Variants in ANKLE2 observed in about 807,000 individuals in gnomAD.
The protein encoded by ANKLE2 is ankyrin repeat and LEM domain-containing protein 2.
ANKLE2 carries 55 observed loss-of-function variants against 84.2 expected under a neutral mutation model. The observed-to-expected ratio is 0.65, with a 90% CI of 0.53 to 0.82. ANKLE2 has a LOEUF of 0.82. Among genes scored for constraint, ANKLE2 ranks in the 40% least tolerant of loss-of-function variants. ANKLE2 has a pLI of 0.00. For synonymous variants in ANKLE2, 551 were observed against 486.1 expected, an observed-to-expected ratio of 1.13 and a Z score of -1.76; for missense variants, 1,238 against 1,201.9, an observed-to-expected ratio of 1.03 and a Z score of -0.44.
At chr12:132,746,726 C>G (rs2044246172) in intron 5 of ANKLE2, among the ~76,000 whole-genome samples, 1 of 152,164 alleles carries the variant, frequency 6.6e-6, no homozygotes, top group Non-Finnish European at 1.5e-5. Context: ...TCAAGCCTCA[C>G]ATTACCTCAT....
At position 132,754,949 on chromosome 12, in the gene ANKLE2, G is replaced by A. The variant is rs1263787139; in HGVS notation, c.366C>T (p.His122=). The change falls in exon 2 of 13, where the codon CAC becomes CAT. Residue 122 remains histidine (H), a synonymous_variant. Coordinates refer to ENST00000357997, the MANE Select transcript of ANKLE2 (RefSeq NM_015114.3). ...TGAGAGCTGTGACACCTGCCTCATG[G>A]TGGTAGAAAGAAGACAGCCTTCCTC... ...EQGGRLSSFY[H]HEAGVTALSQ... is the part of the protein sequence containing the mutation. 1.9e-5 allele frequency: 30 copies of A among 1,614,102 alleles called. No individual in the cohort carries two copies. The highest frequency in any genetic ancestry group is 2.5e-5 in the Non-Finnish European group (30 of 1,180,048).
At chr12:132,728,006 T>A in intron 12 of ANKLE2, 26 bp downstream of exon 12, 1 of 1,577,904 alleles carries the variant, frequency 6.3e-7, no homozygotes, top group Non-Finnish European at 8.6e-7. Context: ...GCCCTGCGGG[T>A]GACAGGCTGT....
chr12:132,727,469 A>G lies in ANKLE2; in HGVS notation c.2616-26T>C, dbSNP rs2043723501. ...CTGCGGAAAGCAAGAAAGAACTGTT[A>G]GCAGACGGGCACAGGCCCGGAGATG... On this transcript the variant is annotated intron_variant, in intron 12 of 12. Transcript: ENST00000357997. The G allele has an allele frequency of 3.2e-6, 5 of 1,550,074 alleles. No homozygotes were observed. In the African/African-American group the frequency reaches 4.1e-5, roughly 13 times the overall value.
rs766368315 is a variant in ANKLE2, at chr12:132,729,694, C to T, written c.2468G>A (p.Arg823Gln). 3.2e-5 allele frequency: 51 copies of T among 1,604,700 alleles called. No homozygotes were observed. In the Middle Eastern group the frequency reaches 6.7e-4, roughly 21 times the overall value. Reference protein sequence around the residue: ...QLEVTREPARRLFLFGEEPSK... With the variant: ...QLEVTREPARQLFLFGEEPSK... ...ACACTCCTACCCAAAAAGGAAGAGC[C>T]GCCTGGCCGGTTCCCTGGTGACCTC... is the stretch of plus-strand genomic sequence containing the variant. Residue 823 changes from arginine to glutamine, a missense_variant, in exon 11 of 13, where the codon CGG (arginine) becomes CAG (glutamine). This residue lies in a region of ANKLE2 where 802 missense variants were observed against 774.5 expected (regional missense o/e 1.04). Coordinates refer to ENST00000357997, the MANE Select transcript of ANKLE2 (RefSeq NM_015114.3).
chr12:132,736,044 G>C (rs969187210), intron 8 of ANKLE2, among the ~76,000 whole-genome samples: 1 of 152,048 alleles, frequency 6.6e-6, no homozygotes, highest in African/African-American at 2.4e-5. Context: ...CTCCACCTCC[G>C]GGGTTCAGGC....
At chr12:132,751,366 C>A (rs2044353045) in intron 2 of ANKLE2, 1 of 153,242 alleles carries the variant, frequency 6.5e-6, no homozygotes, top group Non-Finnish European at 1.5e-5. Flanking sequence ...GCCTCAGCCT[C>A]CCGAGTAGCT....
intron 7 of ANKLE2, 49 bp downstream of exon 7, chr12:132,741,370 C>G: frequency 1.3e-6 from 2 of 1,590,702 alleles, no homozygotes; most frequent in Non-Finnish European, 8.6e-7. Context: ...CGCTCCAAGG[C>G]CCTTCCCGGC....
intron 3 of ANKLE2, among the ~76,000 whole-genome samples, chr12:132,750,370 G>A (rs1358590739): frequency 2.0e-5 from 3 of 150,952 alleles, no homozygotes; most frequent in East Asian, 3.9e-4. Context: ...GCTGGCAAAA[G>A]AACAAGACCC....
At chr12:132,746,598 T>C (rs963072745) in intron 5 of ANKLE2, among the ~76,000 whole-genome samples, 9 of 152,200 alleles carry the variant, frequency 5.9e-5, no homozygotes, top group Non-Finnish European at 1.2e-4. Flanking sequence ...CTAGCTTTAA[T>C]GAAAAGCAAA....
In ANKLE2 at chr12:132,737,079, C is replaced by A. The variant is rs1376398702; in HGVS notation, c.1421-14G>T. On this transcript the variant is annotated splice_polypyrimidine_tract_variant and intron_variant, in intron 7 of 12. Coordinates refer to ENST00000357997, the MANE Select transcript of ANKLE2 (RefSeq NM_015114.3). ...CGTAGTAGTGGCCTGAGGGAGGAGA[C>A]AGGCACTGGCTGCAGGCTTCCGCCC... 2 of 1,579,064 alleles carry A rather than the reference C, an allele frequency of 1.3e-6. No individual in the cohort carries two copies. The highest frequency in any genetic ancestry group is 2.7e-5 in the African/African-American group (2 of 74,238).
chr12:132,734,900 CG>C (rs778461638), intron 9 of ANKLE2: 8 of 330,862 alleles, frequency 2.4e-5, no homozygotes, highest in East Asian at 2.3e-4. Context: ...TTCATGATCA[CG>C]GAACAGCCCT....
At chr12:132,732,024 G>T (rs188597067) in intron 10 of ANKLE2, 1 of 149,656 alleles carries the variant, frequency 6.7e-6, no homozygotes. Context: ...GATATGCACC[G>T]TGTGAAGCTC....
intron 3 of ANKLE2, 79 bp downstream of exon 3, chr12:132,750,564 C>T (rs369837980): frequency 7.3e-6 from 11 of 1,501,034 alleles, no homozygotes; most frequent in East Asian, 6.9e-5. Flanking sequence ...CAAGTTACCA[C>T]ATCAGAGGAA....
chr12:132,732,438 T>C (rs1469975787), intron 10 of ANKLE2, among the ~76,000 whole-genome samples: 15 of 140,444 alleles, frequency 1.1e-4, no homozygotes, highest in Admixed American at 2.1e-4. Context: ...TGGTGTCTGA[T>C]ATGCACCGTG....
intron 5 of ANKLE2, chr12:132,745,381 T>C (rs114591795): frequency 8.9e-4 from 145 of 162,522 alleles, no homozygotes; most frequent in African/African-American, 3.3e-3. Flanking sequence ...TGTGGAGAGC[T>C]TGAGAGGAGG....
chr12:132,744,248 G>A (rs1445466982), intron 5 of ANKLE2, among the ~76,000 whole-genome samples: 1 of 152,152 alleles, frequency 6.6e-6, no homozygotes, highest in African/African-American at 2.4e-5. Context: ...CTCCCTCCCA[G>A]TCACCTCACT....
At chr12:132,754,529 A>T in intron 2 of ANKLE2, 146 bp downstream of exon 2, 3 of 730,986 alleles carry the variant, frequency 4.1e-6, no homozygotes, top group Non-Finnish European at 6.4e-6. Flanking sequence ...CTACATAAAA[A>T]TGTTAACAAT....
Position 132,743,256 on chromosome 12 carries a change from ATGCAACGG to A in ANKLE2, c.1243_1250del (p.Pro415PhefsTer4). 1 of 1,611,482 alleles carries A rather than the reference ATGCAACGG, an allele frequency of 6.2e-7. No homozygotes were observed. Among genetic ancestry groups the A allele is most frequent in the Non-Finnish European group, 8.5e-7 (1 of 1,178,732 alleles). ...CTGCATTTCCAAACTTACAAGCAAA[ATGCAACGG>A]TGTGTCATAGCCCTGAAAAAAGGTG... On this transcript the variant is annotated frameshift_variant, in exon 6 of 13. Transcript: ENST00000357997. LOFTEE classifies it high-confidence loss of function. The surrounding 1 kb of genome is among the most constrained non-coding windows in gnomAD (Gnocchi z 4.1).
At chr12:132,750,518 ACT>A (rs1232257841) in intron 3 of ANKLE2, 123 bp downstream of exon 3, 4 of 973,944 alleles carry the variant, frequency 4.1e-6, no homozygotes, top group African/African-American at 1.6e-5. Flanking sequence ...CTCCTGGTCC[ACT>A]GAGACCCCAT....
Sources: allele counts gnomAD v4.1 joint callset (sites outside exome capture counted in the v4.1 genomes callset), GRCh38; gene constraint gnomAD v4.1.1; regional missense constraint gnomAD v4.1.1; non-coding constraint Gnocchi (gnomAD v3.1); transcripts MANE v1.5; gene names NCBI Gene and HGNC (gene_info 2026-07-23, HGNC 2026-07-21).